Variants in SNRNP70 observed in about 807,000 individuals in gnomAD.
SNRNP70 encodes U1 small nuclear ribonucleoprotein 70 kDa.
A neutral mutation model predicts 50.5 loss-of-function variants in SNRNP70; 8 were observed. The ratio of observed to expected loss-of-function variants is 0.16; its 90% confidence interval spans 0.09 to 0.29. The LOEUF is 0.29. Ranked by LOEUF, SNRNP70 falls within the 10% of genes least tolerant of loss-of-function variation. The pLI is 1.00. For synonymous variants in SNRNP70, 320 were observed against 252.9 expected (o/e 1.27, Z -2.52); for missense variants, 529 against 663.5 (o/e 0.80, Z 2.23).
In SNRNP70 at chr19:49,108,292, G is replaced by C; in HGVS notation, c.1163G>C (p.Gly388Ala). The C allele has an allele frequency of 1.3e-6, 2 of 1,575,656 alleles. No individual in the cohort carries two copies. Among genetic ancestry groups the C allele is most frequent in the Non-Finnish European group, 1.7e-6 (2 of 1,161,982 alleles). ...HKRGERGSER[G>A]RDEARGGGGG... ...CGGGGGGAGCGGGGCAGTGAGCGGG[G>C]CAGGGATGAGGCCCGAGGTGGGGGC... The change falls in exon 10 of 10, where the codon GGC becomes GCC. Residue 388 changes from glycine (G) to alanine (A), a missense_variant. This residue lies in a region of SNRNP70 where 327 missense variants were observed against 308.8 expected (regional missense o/e 1.06). Coordinates refer to ENST00000598441, the MANE Select transcript of SNRNP70 (RefSeq NM_003089.6).
At chr19:49,090,644 A>C in intron 4 of SNRNP70, 124 bp downstream of exon 4, 2 of 899,246 alleles carry the variant, frequency 2.2e-6, no homozygotes, top group Non-Finnish European at 3.6e-6. Flanking sequence ...TTGTTAGTTC[A>C]TTTGTTTAGC....
rs71179084 is a variant in SNRNP70, at chr19:49,088,498, C to CTTTT, written c.148-1780_148-1777dup. Among the ~76,000 whole-genome samples, 484 of 99,496 alleles carry CTTTT rather than the reference C, an allele frequency of 4.9e-3. 12 individuals carry two copies. Among genetic ancestry groups the CTTTT allele is most frequent in the South Asian group, 0.023 (66 of 2,834 alleles). 65.3% of individuals were successfully genotyped at this position (99,496 alleles called of 152,430 possible). A position where few individuals can be genotyped will look rare whatever the true frequency, so the allele number is the denominator to read the frequency against. On this transcript the variant is annotated intron_variant, in intron 2 of 9. Transcript: ENST00000598441. Reference sequence around the variant, plus strand: ...ACAGACGTGAGCCACCGCACCCGACCTTTTTTTTTTTTTTTTGAGATGGAG... The same window carrying CTTTT: ...ACAGACGTGAGCCACCGCACCCGACCTTTTTTTTTTTTTTTTTTTTGAGATGGAG...
At chr19:49,095,139 T>A (rs572321118) in intron 4 of SNRNP70, among the ~76,000 whole-genome samples, 1 of 152,268 alleles carries the variant, frequency 6.6e-6, no homozygotes, top group Non-Finnish European at 1.5e-5. Flanking sequence ...CTGCATTTGC[T>A]TTTTACCTTT....
rs762065015 is a variant in SNRNP70 at position 49,107,205 on chromosome 19, C to T, written c.578-420C>T. Among the ~76,000 whole-genome samples the T allele has an allele frequency of 3.9e-5, 6 of 152,208 alleles. No homozygotes were observed. Among genetic ancestry groups the T allele is most frequent in the Non-Finnish European group, 7.3e-5 (5 of 68,048 alleles). The stretch of plus-strand genomic sequence containing the variant: ...CAGGGCCCGCTCTTGCTGCCTCTAC[C>T]ACCAGTTGACGAGGAGTTTGGACCT... On this transcript the variant is annotated intron_variant, in intron 8 of 9. Transcript: ENST00000598441. The surrounding 1 kb of genome is among the most constrained non-coding windows in gnomAD (Gnocchi z 6.0).
chr19:49,105,871 A>G (rs1209601084), intron 8 of SNRNP70, among the ~76,000 whole-genome samples: 2 of 152,250 alleles, frequency 1.3e-5, no homozygotes, highest in East Asian at 3.8e-4. Context: ...AGCAGGCCAC[A>G]GGCCCCAGCT....
chr19:49,100,780 T>C (rs1293957945), intron 6 of SNRNP70, among the ~76,000 whole-genome samples: 1 of 133,876 alleles, frequency 7.5e-6, no homozygotes. Context: ...CACTCTAGCC[T>C]GGGCAACAGA....
Position 49,104,580 on chromosome 19 carries a change from C to G in SNRNP70, c.476-54C>G. ...TTCTGTAGAGCTGGGCCTGTCCTGACTAGAGGACCCTCTGGGGACTCCTCT... is the reference window on the plus strand; with the variant it reads ...TTCTGTAGAGCTGGGCCTGTCCTGAGTAGAGGACCCTCTGGGGACTCCTCT... On this transcript the variant is annotated intron_variant, in intron 7 of 9. Transcript: ENST00000598441. The surrounding 1 kb of genome is among the most constrained non-coding windows in gnomAD (Gnocchi z 5.4). 2 of 1,366,964 alleles carry G rather than the reference C, an allele frequency of 1.5e-6. No homozygotes were observed. Among genetic ancestry groups the G allele is most frequent in the Non-Finnish European group, 1.0e-6 (1 of 980,006 alleles). 84.7% of individuals were successfully genotyped at this position (1,366,964 alleles called of 1,614,324 possible). A position where few individuals can be genotyped will look rare whatever the true frequency, so the allele number is the denominator to read the frequency against.
At position 49,107,727 on chromosome 19, in the gene SNRNP70, C is replaced by G. The variant is rs1281183526; in HGVS notation, c.665+15C>G. 1.2e-6 allele frequency: 2 copies of G among 1,613,826 alleles called. No homozygotes were observed. Among genetic ancestry groups the G allele is most frequent in the African/African-American group, 2.7e-5 (2 of 75,012 alleles). On this transcript the variant is annotated intron_variant, in intron 9 of 9. Transcript: ENST00000598441. The surrounding 1 kb of genome is among the most constrained non-coding windows in gnomAD (Gnocchi z 6.0). ...TACGATGAGAGGTAAGATTGGGCGA[C>G]CGGTGTCCTGGGGTGGGGGGCGGTC...
In SNRNP70 at chr19:49,104,422, G is replaced by T. The variant is rs1392008457; in HGVS notation, c.476-212G>T. 16 of 541,414 alleles carry T rather than the reference G, an allele frequency of 3.0e-5. No individual in the cohort carries two copies. The highest frequency in any genetic ancestry group is 4.6e-5 in the Non-Finnish European group (14 of 301,222). The allele number at this position is 541,414 out of a possible 1,614,324, so 33.5% of individuals were successfully genotyped here. On this transcript the variant is annotated intron_variant, in intron 7 of 9. Coordinates refer to ENST00000598441, the MANE Select transcript of SNRNP70 (RefSeq NM_003089.6). This position sits in a 1 kb window ranked among gnomAD's most constrained non-coding sequence, Gnocchi z 5.4. The stretch of plus-strand genomic sequence containing the variant: ...TCTCCCCCGACCAGGAGTGGTTGGG[G>T]CGCTGAGAGGAAGCAGACGCTGAGA...
At position 49,104,758 on chromosome 19, in the gene SNRNP70, G is replaced by T; in HGVS notation, c.577+23G>T. 1 of 1,452,520 alleles carries T rather than the reference G, an allele frequency of 6.9e-7. No homozygotes were observed. The highest frequency in any genetic ancestry group is 9.3e-7 in the Non-Finnish European group (1 of 1,075,978). 90.0% of individuals were successfully genotyped at this position (1,452,520 alleles called of 1,614,324 possible). A position where few individuals can be genotyped will look rare whatever the true frequency, so the allele number is the denominator to read the frequency against. On this transcript the variant is annotated intron_variant, in intron 8 of 9. Transcript: ENST00000598441. The surrounding 1 kb of genome is among the most constrained non-coding windows in gnomAD (Gnocchi z 5.4). Reference sequence around the variant, plus strand: ...TAGGTGAGCACATCCTGCCTTCGACGGGCTCTCGGGGGCCCTGGGCCTGGT... The same window carrying T: ...TAGGTGAGCACATCCTGCCTTCGACTGGCTCTCGGGGGCCCTGGGCCTGGT...
chr19:49,108,552 G>GT lies in SNRNP70; in HGVS notation c.*110dup, dbSNP rs1225617122. 56 of 1,382,124 alleles carry GT rather than the reference G, an allele frequency of 4.1e-5. No homozygotes were observed. Among genetic ancestry groups the GT allele is most frequent in the Non-Finnish European group, 1.9e-6 (2 of 1,030,582 alleles). 85.6% of individuals were successfully genotyped at this position (1,382,124 alleles called of 1,614,324 possible). A position where few individuals can be genotyped will look rare whatever the true frequency, so the allele number is the denominator to read the frequency against. Reference sequence around the variant, plus strand: ...TTGAGTTTGTCCTCCAAGGGTAGGTGTCTCATTTGTTCTGGCCCCTTGGAT... The same window carrying GT: ...TTGAGTTTGTCCTCCAAGGGTAGGTGTTCTCATTTGTTCTGGCCCCTTGGAT... On this transcript the variant is annotated 3_prime_UTR_variant, in exon 10 of 10. Transcript: ENST00000598441.
intron 8 of SNRNP70, among the ~76,000 whole-genome samples, chr19:49,105,914 G>A (rs1247374309): frequency 2.0e-5 from 3 of 152,160 alleles, no homozygotes; most frequent in African/African-American, 2.4e-5. Flanking sequence ...CTCTTGTTTC[G>A]GGGTGGGCAC....
chr19:49,087,616 G>C (rs548198068), intron 2 of SNRNP70: 1 of 152,266 alleles, frequency 6.6e-6, no homozygotes, highest in South Asian at 2.1e-4. Flanking sequence ...GTTTTTATTT[G>C]TGAAATGGGA....
At chr19:49,101,502 G>C in intron 7 of SNRNP70, 31 bp downstream of exon 7, 1 of 1,520,408 alleles carries the variant, frequency 6.6e-7, no homozygotes, top group Middle Eastern at 1.7e-4. Flanking sequence ...CCTGCCCTCT[G>C]ACCTGCTCTC....
chr19:49,091,842 G>A (rs535115659), intron 4 of SNRNP70, among the ~76,000 whole-genome samples: 8 of 152,088 alleles, frequency 5.3e-5, no homozygotes, highest in Non-Finnish European at 7.4e-5. Flanking sequence ...GTTTTCCCTC[G>A]CCACCAACCT....
chr19:49,097,062 A>G (rs1333689142), intron 4 of SNRNP70, among the ~76,000 whole-genome samples: 1 of 152,006 alleles, frequency 6.6e-6, no homozygotes, highest in African/African-American at 2.4e-5. Context: ...CCTCGGAGGC[A>G]GAGGTTGCAG....
intron 6 of SNRNP70, among the ~76,000 whole-genome samples, chr19:49,100,448 T>C (rs1015372697): frequency 6.6e-6 from 1 of 152,122 alleles, no homozygotes; most frequent in Non-Finnish European, 1.5e-5. Flanking sequence ...GACGCATCCC[T>C]CATCGTGCCA....
chr19:49,086,355 T>A (rs781497522), intron 1 of SNRNP70, 50 bp from the exon 2 acceptor site: 2 of 1,543,226 alleles, frequency 1.3e-6, no homozygotes, highest in Non-Finnish European at 1.7e-6. Flanking sequence ...ACAGGGGCTT[T>A]CTCTGTGCAG....
At position 49,085,709 on chromosome 19, in the gene SNRNP70, C is replaced by T. The variant is rs958736194; in HGVS notation, c.-11+73C>T. Reference sequence around the variant, plus strand: ...CAGAAGCCCCAGCGGTGGGCCCGGTCCTCTTCCCCGCGGCCAGGCCCCTTT... The same window carrying T: ...CAGAAGCCCCAGCGGTGGGCCCGGTTCTCTTCCCCGCGGCCAGGCCCCTTT... On this transcript the variant is annotated intron_variant, in intron 1 of 9. Transcript: ENST00000598441. 26 of 450,378 alleles carry T rather than the reference C, an allele frequency of 5.8e-5. No individual in the cohort carries two copies. The East Asian group carries it at 1.3e-3, about 22-fold the overall frequency. The allele number at this position is 450,378 out of a possible 1,614,324, so 27.9% of individuals were successfully genotyped here. A position where few individuals can be genotyped will look rare whatever the true frequency, so the allele number is the denominator to read the frequency against.
Sources: gnomAD v4.1 joint callset for allele counts (sites outside exome capture counted in the v4.1 genomes callset) on GRCh38, gnomAD v4.1.1 for gene constraint, gnomAD v4.1.1 regional missense constraint, Gnocchi (gnomAD v3.1) non-coding constraint, MANE v1.5 for transcripts, NCBI Gene and HGNC (gene_info 2026-07-23, HGNC 2026-07-21) for gene names.